The following F13A1 variants were observed in gnomAD, a reference collection of about 807,000 sequenced individuals.
F13A1 encodes the protein FSF, A subunit.
Under a neutral mutation model 80.1 loss-of-function variants are expected in F13A1, and 47 were observed. The observed-to-expected ratio is 0.59, with a 90% CI of 0.46 to 0.75. The LOEUF (loss-of-function observed/expected upper bound fraction) is 0.75. Among genes scored for constraint, F13A1 ranks in the 30% least tolerant of loss-of-function variants. F13A1 has a pLI of 0.00. For missense variants in F13A1, 817 were observed against 930.4 expected (o/e 0.88, Z 1.59); for synonymous variants, 349 against 344.9 (o/e 1.01, Z -0.13).
At chr6:6,267,585 C>T (rs1249676020) in intron 3 of F13A1, among the ~76,000 whole-genome samples, 4 of 152,102 alleles carry the variant, frequency 2.6e-5, no homozygotes, top group Admixed American at 1.3e-4. Flanking sequence ...GCAATCTTGC[C>T]AGGTAAATGG....
At chr6:6,247,256 C>T (rs1757565558) in intron 6 of F13A1, among the ~76,000 whole-genome samples, 1 of 152,146 alleles carries the variant, frequency 6.6e-6, no homozygotes, top group African/African-American at 2.4e-5. Context: ...TTTATATTAA[C>T]AATATTGATT....
intron 11 of F13A1, among the ~76,000 whole-genome samples, chr6:6,180,957 T>C (rs192458856): frequency 1.3e-5 from 2 of 152,332 alleles, no homozygotes; most frequent in Admixed American, 6.5e-5. Context: ...TTACTAAAAA[T>C]AAATACTCCT....
chr6:6,151,549 T>C (rs941682691), intron 14 of F13A1, among the ~76,000 whole-genome samples: 3 of 152,180 alleles, frequency 2.0e-5, no homozygotes, highest in Non-Finnish European at 4.4e-5. Context: ...CCAGTCAACC[T>C]CTCAAAGCCT....
At chr6:6,254,787 G>T (rs1757681857) in intron 4 of F13A1, among the ~76,000 whole-genome samples, 1 of 152,062 alleles carries the variant, frequency 6.6e-6, no homozygotes, top group African/African-American at 2.4e-5. Flanking sequence ...TACTTTAAAT[G>T]GATGACATTA....
chr6:6,307,527 C>T, intron 2 of F13A1, among the ~76,000 whole-genome samples: 1 of 152,176 alleles, frequency 6.6e-6, no homozygotes, highest in East Asian at 1.9e-4. Context: ...CTCTGGTCCT[C>T]TTTCTTAGCA....
chr6:6,240,448 A>T (rs973609501), intron 6 of F13A1, among the ~76,000 whole-genome samples: 13 of 152,132 alleles, frequency 8.5e-5, no homozygotes, highest in African/African-American at 3.1e-4. Context: ...CAAGGAGCTC[A>T]TGTGACCGGG....
intron 3 of F13A1, among the ~76,000 whole-genome samples, chr6:6,276,543 A>G (rs184288528): frequency 2.6e-5 from 4 of 152,330 alleles, no homozygotes; most frequent in East Asian, 3.9e-4. Flanking sequence ...TATTTGCTCT[A>G]TCACCTTTAA....
intron 3 of F13A1, among the ~76,000 whole-genome samples, chr6:6,293,835 T>C (rs997386680): frequency 3.1e-5 from 4 of 127,094 alleles, no homozygotes; most frequent in Non-Finnish European, 6.5e-5. Context: ...GAGAAGGAAA[T>C]TGGTTAGAAG....
intron 3 of F13A1, among the ~76,000 whole-genome samples, chr6:6,280,891 G>A (rs927968003): frequency 6.6e-6 from 1 of 152,170 alleles, no homozygotes; most frequent in Non-Finnish European, 1.5e-5. Flanking sequence ...AAGTGGCACA[G>A]TGGAATTTCT....
At chr6:6,281,327 CAG>C (rs1447511054) in intron 3 of F13A1, among the ~76,000 whole-genome samples, 9 of 152,140 alleles carry the variant, frequency 5.9e-5, no homozygotes, top group African/African-American at 2.2e-4. Flanking sequence ...TCTTCTTCCT[CAG>C]GGGATTTTAC....
At chr6:6,287,559 T>A (rs1758156721) in intron 3 of F13A1, among the ~76,000 whole-genome samples, 1 of 152,244 alleles carries the variant, frequency 6.6e-6, no homozygotes, top group Middle Eastern at 3.4e-3. Flanking sequence ...CTCATTCCGA[T>A]ACCCATGGCC....
intron 10 of F13A1, among the ~76,000 whole-genome samples, chr6:6,191,288 C>T (rs10085324): frequency 0.087 from 13,282 of 152,202 alleles, 1,058 homozygotes; most frequent in East Asian, 0.46. Flanking sequence ...CCTTCCTTGT[C>T]GGGCTGGTGG....
chr6:6,181,319 C>G (rs1337452179), intron 11 of F13A1, among the ~76,000 whole-genome samples: 2 of 152,246 alleles, frequency 1.3e-5, no homozygotes, highest in African/African-American at 4.8e-5. Context: ...CTGAGTCCTG[C>G]TCACTGCTGG....
In F13A1 at chr6:6,197,304, C is replaced by G; in HGVS notation, c.1135G>C (p.Ala379Pro). The G allele has an allele frequency of 6.2e-7, 1 of 1,614,204 alleles. No individual in the cohort carries two copies. Among genetic ancestry groups the G allele is most frequent in the Non-Finnish European group, 8.5e-7 (1 of 1,180,020 alleles). The change falls in exon 9 of 15, where the codon GCA becomes CCA. Residue 379 changes from alanine (A) to proline (P), a missense_variant. Transcript: ENST00000264870. The part of the protein sequence containing the change: ...SVWNYHCWNE[A>P]WMTRPDLPVG... ...GGAAGGTCAGGCCTTGTCATCCATG[C>G]TTCATTCCAGCAGTGGTAGTTCCTT...
intron 3 of F13A1, among the ~76,000 whole-genome samples, chr6:6,283,935 C>T (rs114096603): frequency 7.2e-5 from 11 of 152,292 alleles, no homozygotes; most frequent in African/African-American, 2.4e-4. Flanking sequence ...CATTGCATAA[C>T]AATGCAAATA....
At chr6:6,178,902 G>C (rs1246677681) in intron 11 of F13A1, among the ~76,000 whole-genome samples, 1 of 152,206 alleles carries the variant, frequency 6.6e-6, no homozygotes, top group East Asian at 1.9e-4. Flanking sequence ...TGTGACAATT[G>C]GGTGGTCTTG....
Position 6,248,389 on chromosome 6 carries a change from A to G in F13A1, c.721T>C (p.Tyr241His), listed in dbSNP as rs2113098785. 1 of 1,613,890 alleles carries G rather than the reference A, an allele frequency of 6.2e-7. No individual in the cohort carries two copies. The highest frequency in any genetic ancestry group is 8.5e-7 in the Non-Finnish European group (1 of 1,179,870). ...TCCATTTGTGCTCTGTCCATCACAT[A>G]CAGGCAAGTGTCCAGGATGCCATCT... ...FEDGILDTCL[Y>H]VMDRAQMDLS... Residue 241 changes from tyrosine to histidine, a missense_variant, in exon 6 of 15, where the codon TAT becomes CAT. Coordinates refer to ENST00000264870, the MANE Select transcript of F13A1 (RefSeq NM_000129.4).
At chr6:6,188,864 C>T (rs1209285757) in intron 10 of F13A1, among the ~76,000 whole-genome samples, 1 of 73,888 alleles carries the variant, frequency 1.4e-5, no homozygotes, top group Non-Finnish European at 2.4e-5. Flanking sequence ...ATCTAAGTCT[C>T]TTTGTAGGTC....
chr6:6,158,222 A>T (rs1409035240), intron 13 of F13A1, among the ~76,000 whole-genome samples: 1 of 152,156 alleles, frequency 6.6e-6, no homozygotes, highest in Non-Finnish European at 1.5e-5. Context: ...TGTCACGGAC[A>T]TAACTGAGGT....
Sources: gnomAD v4.1 joint callset for allele counts (sites outside exome capture counted in the v4.1 genomes callset) on GRCh38, gnomAD v4.1.1 for gene constraint, MANE v1.5 for transcripts, NCBI Gene and HGNC (gene_info 2026-07-23, HGNC 2026-07-21) for gene names.